The following DCLK2 variants were observed in gnomAD, a reference collection of about 807,000 sequenced individuals.
DCLK2 encodes doublecortin like kinase 2.
Under a neutral mutation model 78.4 loss-of-function variants are expected in DCLK2, and 31 were observed. That is an observed-to-expected ratio of 0.40 (90% CI 0.30 to 0.53). DCLK2 has a LOEUF of 0.53. Ranked by LOEUF, DCLK2 falls within the 20% of genes least tolerant of loss-of-function variation. DCLK2 has a pLI of 0.61. For missense variants in DCLK2, 872 were observed against 973.7 expected (o/e 0.90, Z 1.39); for synonymous variants, 407 against 374.9 (o/e 1.09, Z -0.99).
chr4:150,128,169 C>T (rs1424989490), intron 2 of DCLK2, among the ~76,000 whole-genome samples: 1 of 152,074 alleles, frequency 6.6e-6, no homozygotes, highest in Non-Finnish European at 1.5e-5. Flanking sequence ...AGGGATGCTG[C>T]CACATATTCT....
Position 150,187,440 on chromosome 4 carries a change from A to T in DCLK2, c.757-5698A>T, listed in dbSNP as rs550130601. Among the ~76,000 whole-genome samples, 35 of 152,272 alleles carry T rather than the reference A, an allele frequency of 2.3e-4. 1 individual carries two copies. The South Asian group carries it at 2.5e-3, about 11-fold the overall frequency. The stretch of plus-strand genomic sequence containing the variant: ...CTGCCTGGAACACTTTCCCTTACAG[A>T]TATTCATGTGACTTGCTTCCAGTAT... On this transcript the variant is annotated intron_variant, in intron 2 of 15. Transcript: ENST00000296550.
At chr4:150,163,431 C>A (rs567837364) in intron 2 of DCLK2, among the ~76,000 whole-genome samples, 170 of 151,958 alleles carry the variant, frequency 1.1e-3, no homozygotes, top group African/African-American at 3.7e-3. Flanking sequence ...ATAAATAAAC[C>A]AACCAGCCAT....
At chr4:150,147,978 G>A (rs1734603525) in intron 2 of DCLK2, among the ~76,000 whole-genome samples, 1 of 152,190 alleles carries the variant, frequency 6.6e-6, no homozygotes, top group African/African-American at 2.4e-5. Context: ...GCGTTAAAAA[G>A]TTGCCTCAGA....
At chr4:150,102,347 G>A (rs1046923429) in intron 1 of DCLK2, 131 bp from the exon 2 acceptor site, 3 of 782,170 alleles carry the variant, frequency 3.8e-6, no homozygotes, top group East Asian at 2.7e-5. Context: ...AAGGAAAAGG[G>A]TGAACATCCC....
At position 150,173,337 on chromosome 4, in the gene DCLK2, G is replaced by A. The variant is rs542412493; in HGVS notation, c.757-19801G>A. The stretch of plus-strand genomic sequence containing the variant: ...TTTGGACATTGAGTATCTTTTTGGT[G>A]TTGGATGCCTTGTCTTCACTTTCCC... On this transcript the variant is annotated intron_variant, in intron 2 of 15. Transcript: ENST00000296550. 3.3e-5 allele frequency among the ~76,000 whole-genome samples: 5 copies of A among 152,250 alleles called. 2 individuals carry two copies. In the South Asian group the frequency reaches 1.0e-3, roughly 32 times the overall value.
intron 2 of DCLK2, among the ~76,000 whole-genome samples, chr4:150,104,279 T>C (rs1284248307): frequency 6.6e-6 from 1 of 151,186 alleles, no homozygotes; most frequent in African/African-American, 2.4e-5. Context: ...TTCCAGCTAC[T>C]TGGGAGGCTG....
chr4:150,236,878 A>G (rs974200084), intron 10 of DCLK2, among the ~76,000 whole-genome samples: 3 of 152,182 alleles, frequency 2.0e-5, no homozygotes, highest in African/African-American at 2.4e-5. Flanking sequence ...TTCAGCAGTT[A>G]CAGACTGTTC....
chr4:150,252,253 G>A (rs1744228493), intron 15 of DCLK2, among the ~76,000 whole-genome samples: 1 of 152,190 alleles, frequency 6.6e-6, no homozygotes, highest in Non-Finnish European at 1.5e-5. Flanking sequence ...TGCGTTGTAA[G>A]GCAGCTTCTT....
intron 8 of DCLK2, among the ~76,000 whole-genome samples, chr4:150,224,796 T>A (rs1014212777): frequency 6.6e-6 from 1 of 152,230 alleles, no homozygotes. Context: ...TTCTTTTCTC[T>A]GGGAGATACC....
At chr4:150,189,593 G>A (rs2126343186) in intron 2 of DCLK2, among the ~76,000 whole-genome samples, 1 of 152,302 alleles carries the variant, frequency 6.6e-6, no homozygotes, top group Non-Finnish European at 1.5e-5. Context: ...TCGTGGGATT[G>A]TTGTAGGGAT....
At chr4:150,112,829 C>T (rs965940500) in intron 2 of DCLK2, among the ~76,000 whole-genome samples, 37 of 104,810 alleles carry the variant, frequency 3.5e-4, no homozygotes, top group African/African-American at 1.0e-3. Flanking sequence ...CCCCCCGCCC[C>T]GGACAGAGTC....
chr4:150,134,241 C>T (rs1733537303), intron 2 of DCLK2, among the ~76,000 whole-genome samples: 1 of 151,866 alleles, frequency 6.6e-6, no homozygotes, highest in Admixed American at 6.6e-5. Flanking sequence ...CCACTACGCC[C>T]AGCTAATTTT....
intron 3 of DCLK2, among the ~76,000 whole-genome samples, chr4:150,196,062 A>G (rs535969583): frequency 6.6e-6 from 1 of 151,746 alleles, no homozygotes; most frequent in African/African-American, 2.4e-5. Context: ...TAGGAGGCAA[A>G]TTTTTTTTTA....
At chr4:150,228,817 G>C (rs1485328526) in intron 8 of DCLK2, among the ~76,000 whole-genome samples, 4 of 150,992 alleles carry the variant, frequency 2.6e-5, no homozygotes, top group Non-Finnish European at 3.0e-5. Flanking sequence ...ATGAGGTCAG[G>C]AGATCGAGAC....
chr4:150,201,565 C>T (rs920674717), intron 4 of DCLK2, among the ~76,000 whole-genome samples: 9 of 152,124 alleles, frequency 5.9e-5, no homozygotes, highest in African/African-American at 2.2e-4. Flanking sequence ...CCAGTTAAAT[C>T]CCTGGCAGTG....
intron 5 of DCLK2, 35 bp from the exon 6 acceptor site, chr4:150,220,668 T>G: frequency 6.4e-7 from 1 of 1,565,798 alleles, no homozygotes; most frequent in Non-Finnish European, 8.8e-7. Flanking sequence ...ATTTGTAAAT[T>G]ATCCTGATAA....
chr4:150,144,764 T>A (rs1734344068), intron 2 of DCLK2, among the ~76,000 whole-genome samples: 1 of 152,168 alleles, frequency 6.6e-6, no homozygotes, highest in South Asian at 2.1e-4. Flanking sequence ...TTAAAAAGAT[T>A]ATTTGTAGAG....
chr4:150,149,715 C>T (rs993156510), intron 2 of DCLK2, among the ~76,000 whole-genome samples: 1 of 152,144 alleles, frequency 6.6e-6, no homozygotes, highest in African/African-American at 2.4e-5. Context: ...AGCAAGAACA[C>T]ATTTTTCTTT....
At chr4:150,186,226 A>AT (rs565177154) in intron 2 of DCLK2, among the ~76,000 whole-genome samples, 168 of 148,440 alleles carry the variant, frequency 1.1e-3, no homozygotes, top group Middle Eastern at 0.011. Flanking sequence ...ATTCATACTG[A>AT]TTTTTTTTTT....
Sources: gnomAD v4.1 joint callset for allele counts (sites outside exome capture counted in the v4.1 genomes callset) on GRCh38, gnomAD v4.1.1 for gene constraint, MANE v1.5 for transcripts, NCBI Gene and HGNC (gene_info 2026-07-23, HGNC 2026-07-21) for gene names.